Variants in PCDH11Y observed in about 807,000 individuals in gnomAD.
The protein encoded by PCDH11Y is protocadherin 11 Y-linked.
For missense variants in PCDH11Y, 12 were observed against 224.8 expected (o/e 0.05, Z 6.05); for synonymous variants, 9 against 83.6 (o/e 0.11, Z 4.87).
intron 2 of PCDH11Y, among the ~76,000 whole-genome samples, chrY:5,224,248 A>C: frequency 4.3e-5 from 1 of 23,165 alleles, no homozygotes; most frequent in Non-Finnish European, 9.6e-5. Flanking sequence ...ACTCAGAGGT[A>C]GTCATGGAAT....
chrY:5,256,353 A>C (rs2053011127), intron 2 of PCDH11Y, among the ~76,000 whole-genome samples: 1 of 32,688 alleles, frequency 3.1e-5, no homozygotes, highest in African/African-American at 1.2e-4. Flanking sequence ...AGTTCACTGT[A>C]GGTGTATGGA....
chrY:5,675,535 G>C, intron 4 of PCDH11Y, among the ~76,000 whole-genome samples: 1 of 33,442 alleles, frequency 3.0e-5, no homozygotes, highest in Non-Finnish European at 7.4e-5. Flanking sequence ...TCCAAGACAA[G>C]GCAAGTCACT....
chrY:5,704,109 TG>T (rs2053580616), intron 4 of PCDH11Y, among the ~76,000 whole-genome samples: 3 of 32,562 alleles, frequency 9.2e-5, no homozygotes, highest in African/African-American at 3.6e-4. Context: ...GCTGGGTTTC[TG>T]GGTAGACCTC....
intron 4 of PCDH11Y, among the ~76,000 whole-genome samples, chrY:5,642,280 T>G: frequency 8.8e-5 from 3 of 33,926 alleles, no homozygotes; most frequent in African/African-American, 3.5e-4. Context: ...TTTAATGATA[T>G]GCACATCTTT....
At chrY:5,256,258 C>T (rs2053010972) in intron 2 of PCDH11Y, among the ~76,000 whole-genome samples, 1 of 32,774 alleles carries the variant, frequency 3.1e-5, no homozygotes, top group Non-Finnish European at 7.5e-5. Flanking sequence ...TTCTTCTGCA[C>T]ATGGATATCC....
intron 2 of PCDH11Y, among the ~76,000 whole-genome samples, chrY:5,151,367 A>G (rs2052864199): frequency 3.0e-5 from 1 of 32,884 alleles, no homozygotes; most frequent in Non-Finnish European, 7.6e-5. Flanking sequence ...AGACATGAAC[A>G]TGATTAAGCT....
chrY:5,476,894 T>C (rs2053319930), intron 2 of PCDH11Y, among the ~76,000 whole-genome samples: 1 of 33,624 alleles, frequency 3.0e-5, no homozygotes, highest in African/African-American at 1.2e-4. Flanking sequence ...TATACTTTTA[T>C]ACCACTGGCA....
chrY:5,285,300 A>T, intron 2 of PCDH11Y, among the ~76,000 whole-genome samples: 2 of 32,317 alleles, frequency 6.2e-5, no homozygotes, highest in Non-Finnish European at 1.5e-4. Flanking sequence ...ACCTAGTTTA[A>T]CATTGATGGG....
At chrY:5,286,153 G>A in intron 2 of PCDH11Y, among the ~76,000 whole-genome samples, 1 of 32,947 alleles carries the variant, frequency 3.0e-5, no homozygotes, top group South Asian at 6.9e-4. Flanking sequence ...GCTTGTTTTT[G>A]TCAATTTCTG....
chrY:5,377,335 T>G, intron 2 of PCDH11Y, among the ~76,000 whole-genome samples: 1 of 29,749 alleles, frequency 3.4e-5, no homozygotes, highest in African/African-American at 1.3e-4. Flanking sequence ...ACTTTTCAAT[T>G]ATAATGCAAA....
chrY:5,234,380 A>T (rs1602890363), intron 2 of PCDH11Y, among the ~76,000 whole-genome samples: 1 of 28,509 alleles, frequency 3.5e-5, no homozygotes, highest in East Asian at 9.1e-4. Flanking sequence ...AGTAGCTGGG[A>T]TTATAGGTAT....
intron 3 of PCDH11Y, among the ~76,000 whole-genome samples, chrY:5,554,095 A>G (rs2053421451): frequency 3.0e-5 from 1 of 33,407 alleles, no homozygotes; most frequent in African/African-American, 1.2e-4. Context: ...AATGAAGTCC[A>G]GGCTGAGGTG....
intron 3 of PCDH11Y, among the ~76,000 whole-genome samples, chrY:5,516,591 T>G: frequency 9.0e-5 from 3 of 33,452 alleles, no homozygotes; most frequent in Non-Finnish European, 2.2e-4. Context: ...TTTATACGTG[T>G]GTACTGGGAT....
intron 2 of PCDH11Y, among the ~76,000 whole-genome samples, chrY:5,252,112 G>A: frequency 3.1e-5 from 1 of 32,014 alleles, no homozygotes; most frequent in African/African-American, 1.2e-4. Flanking sequence ...CTTATATATA[G>A]CATAGCAAGA....
chrY:5,542,971 A>G (rs2053409179), intron 3 of PCDH11Y, among the ~76,000 whole-genome samples: 1 of 34,655 alleles, frequency 2.9e-5, no homozygotes, highest in East Asian at 7.7e-4. Context: ...GTAATTGATA[A>G]CTTTTCTTCC....
chrY:5,143,340 G>A, intron 2 of PCDH11Y, among the ~76,000 whole-genome samples: 2 of 33,195 alleles, frequency 6.0e-5, no homozygotes, highest in Non-Finnish European at 1.5e-4. Context: ...TGAGTTAAAA[G>A]AACAAAGTAT....
At chrY:5,263,021 G>A (rs1364314951) in intron 2 of PCDH11Y, among the ~76,000 whole-genome samples, 23 of 33,706 alleles carry the variant, frequency 6.8e-4, no homozygotes, top group Non-Finnish European at 1.4e-3. Context: ...CAGTATCCAC[G>A]TGGTATAGAG....
chrY:5,173,356 G>A, intron 2 of PCDH11Y, among the ~76,000 whole-genome samples: 1 of 32,967 alleles, frequency 3.0e-5, no homozygotes, highest in Non-Finnish European at 7.5e-5. Flanking sequence ...GGGGTAATGG[G>A]GGAGGTTTAG....
chrY:5,418,171 T>C, intron 2 of PCDH11Y, among the ~76,000 whole-genome samples: 1 of 32,054 alleles, frequency 3.1e-5, no homozygotes, highest in Non-Finnish European at 7.6e-5. Context: ...GATAAACAGT[T>C]CTTAAATGAG....
Sources: gnomAD v4.1 joint callset for allele counts (sites outside exome capture counted in the v4.1 genomes callset) on GRCh38, gnomAD v4.1.1 for gene constraint, MANE v1.5 for transcripts, NCBI Gene and HGNC (gene_info 2026-07-23, HGNC 2026-07-21) for gene names.